Variants in GRIA4 observed in about 807,000 individuals in gnomAD.
GRIA4 encodes the protein glutamate receptor 4.
GRIA4 carries 34 observed loss-of-function variants against 104.0 expected under a neutral mutation model. The ratio of observed to expected loss-of-function variants is 0.33; its 90% confidence interval spans 0.25 to 0.44. GRIA4 has a LOEUF of 0.44. GRIA4 is among the 20% of genes least tolerant of loss of function. The probability of loss-of-function intolerance (pLI) is 1.00; values close to 1 mark genes in which losing one functional copy is unlikely to be tolerated. For synonymous variants in GRIA4, 386 were observed against 381.9 expected, an observed-to-expected ratio of 1.01 and a Z score of -0.13; for missense variants, 750 against 1,096.5, an observed-to-expected ratio of 0.68 and a Z score of 4.46.
chr11:105,930,249 G>A (rs377718941), intron 13 of GRIA4, among the ~76,000 whole-genome samples: 2 of 151,964 alleles, frequency 1.3e-5, no homozygotes, highest in African/African-American at 4.8e-5. Context: ...CCAGTCCTAC[G>A]CCCCTTGATT....
intron 3 of GRIA4, among the ~76,000 whole-genome samples, chr11:105,670,248 CCTT>C (rs1436051351): frequency 2.0e-5 from 3 of 152,018 alleles, no homozygotes; most frequent in African/African-American, 7.2e-5. Flanking sequence ...TCTGCTGTTT[CCTT>C]CTTATGTTGG....
At chr11:105,851,193 G>A (rs1944795025) in intron 4 of GRIA4, among the ~76,000 whole-genome samples, 1 of 152,010 alleles carries the variant, frequency 6.6e-6, no homozygotes, top group Admixed American at 6.6e-5. Context: ...AATGGGAAGG[G>A]ATATAGAAAA....
chr11:105,919,562 C>A (rs968575858), intron 11 of GRIA4, among the ~76,000 whole-genome samples: 4 of 152,080 alleles, frequency 2.6e-5, no homozygotes, highest in African/African-American at 7.2e-5. Context: ...ATGTTATGCG[C>A]CTCCCTTGAG....
intron 11 of GRIA4, among the ~76,000 whole-genome samples, chr11:105,921,271 C>T (rs540135997): frequency 2.4e-4 from 36 of 150,650 alleles, no homozygotes; most frequent in African/African-American, 8.6e-4. Flanking sequence ...CAGTGTGCTG[C>T]TTCAGGGTCA....
chr11:105,874,782 G>C (rs762268000), intron 5 of GRIA4, among the ~76,000 whole-genome samples: 1 of 152,216 alleles, frequency 6.6e-6, no homozygotes, highest in Non-Finnish European at 1.5e-5. Flanking sequence ...AGACTTTGCT[G>C]AAGTTGCTTA....
intron 14 of GRIA4, among the ~76,000 whole-genome samples, chr11:105,940,498 GA>G (rs1370565146): frequency 1.3e-5 from 2 of 152,112 alleles, no homozygotes; most frequent in Non-Finnish European, 2.9e-5. Context: ...GCTTTGGAGG[GA>G]GTTATGGTAA....
At chr11:105,672,449 A>G (rs1168951536) in intron 3 of GRIA4, among the ~76,000 whole-genome samples, 1 of 152,178 alleles carries the variant, frequency 6.6e-6, no homozygotes, top group Non-Finnish European at 1.5e-5. Flanking sequence ...AGTTACTGAG[A>G]AAAATTAGTT....
chr11:105,823,209 G>A (rs551524679), intron 4 of GRIA4, among the ~76,000 whole-genome samples: 27 of 152,232 alleles, frequency 1.8e-4, no homozygotes, highest in African/African-American at 6.5e-4. Flanking sequence ...GCAGATTCAT[G>A]TATGTCTCCC....
intron 6 of GRIA4, 29 bp from the exon 7 acceptor site, chr11:105,898,240 T>G: frequency 8.3e-7 from 1 of 1,210,948 alleles, no homozygotes; most frequent in Middle Eastern, 2.0e-4. Flanking sequence ...TAAACTAAAT[T>G]TAACAATCTT....
chr11:105,691,290 C>T (rs1055680053), intron 3 of GRIA4, among the ~76,000 whole-genome samples: 4 of 151,478 alleles, frequency 2.6e-5, no homozygotes, highest in African/African-American at 9.7e-5. Context: ...CAAGACTGAA[C>T]AACAACAAAA....
At chr11:105,712,574 T>A (rs1045141900) in intron 3 of GRIA4, among the ~76,000 whole-genome samples, 3 of 152,108 alleles carry the variant, frequency 2.0e-5, no homozygotes, top group African/African-American at 7.2e-5. Flanking sequence ...TCAAAGGGAT[T>A]ATTACAACAT....
chr11:105,776,151 G>A (rs1010421889), intron 4 of GRIA4, among the ~76,000 whole-genome samples: 5 of 152,010 alleles, frequency 3.3e-5, no homozygotes, highest in Admixed American at 2.0e-4. Flanking sequence ...GGCTAGGGGA[G>A]TTGCTACAAA....
intron 5 of GRIA4, among the ~76,000 whole-genome samples, chr11:105,882,404 C>G (rs1565312808): frequency 6.6e-6 from 1 of 152,112 alleles, no homozygotes; most frequent in Non-Finnish European, 1.5e-5. Flanking sequence ...TATAGAAGGA[C>G]TCCTGAGTAC....
intron 3 of GRIA4, among the ~76,000 whole-genome samples, chr11:105,651,175 T>C (rs1951676012): frequency 6.6e-6 from 1 of 152,172 alleles, no homozygotes; most frequent in African/African-American, 2.4e-5. Context: ...TTTTTATGCC[T>C]AATTTATAAA....
chr11:105,898,976 T>C (rs2136130517), intron 7 of GRIA4, among the ~76,000 whole-genome samples: 2 of 152,318 alleles, frequency 1.3e-5, no homozygotes, highest in South Asian at 4.1e-4. Flanking sequence ...AACAGATAGA[T>C]GACTTTCTTA....
intron 4 of GRIA4, among the ~76,000 whole-genome samples, chr11:105,841,754 C>T (rs1944402623): frequency 6.6e-6 from 1 of 151,936 alleles, no homozygotes; most frequent in African/African-American, 2.4e-5. Context: ...CCGTGGAGCA[C>T]CTGAGTCCAA....
intron 4 of GRIA4, among the ~76,000 whole-genome samples, chr11:105,775,744 A>T (rs576091292): frequency 6.6e-6 from 1 of 152,236 alleles, no homozygotes; most frequent in South Asian, 2.1e-4. Flanking sequence ...TAAATAGTTA[A>T]AAAGGTAAAA....
At chr11:105,669,494 G>T (rs1182408791) in intron 3 of GRIA4, among the ~76,000 whole-genome samples, 1 of 151,954 alleles carries the variant, frequency 6.6e-6, no homozygotes, top group East Asian at 1.9e-4. Flanking sequence ...TTCCTGATTT[G>T]GAGTATTTCA....
intron 12 of GRIA4, among the ~76,000 whole-genome samples, 179 bp downstream of exon 12, chr11:105,924,948 A>T (rs1431012707): frequency 1.3e-5 from 2 of 152,142 alleles, no homozygotes; most frequent in Non-Finnish European, 2.9e-5. Context: ...ATATATCATA[A>T]ATATTAACTT....
Sources: allele counts gnomAD v4.1 joint callset (sites outside exome capture counted in the v4.1 genomes callset), GRCh38; gene constraint gnomAD v4.1.1; transcripts MANE v1.5; gene names NCBI Gene and HGNC (gene_info 2026-07-23, HGNC 2026-07-21).